The following KL variants were observed in gnomAD, a reference collection of about 807,000 sequenced individuals.
The protein encoded by KL is klotho.
In KL, 62 loss-of-function variants were observed where a neutral mutation model predicts 84.2. The ratio of observed to expected loss-of-function variants is 0.74; its 90% CI spans 0.60 to 0.91. KL has a LOEUF of 0.91. Ranked by LOEUF, KL falls within the 40% of genes least tolerant of loss-of-function variation. The pLI, the probability that KL is intolerant of heterozygous loss-of-function variation, is 0.00. For synonymous variants in KL, 528 were observed against 528.0 expected, an observed-to-expected ratio of 1.00 and a Z score of 0.00; for missense variants, 1,261 against 1,305.7, an observed-to-expected ratio of 0.97 and a Z score of 0.53.
intron 1 of KL, among the ~76,000 whole-genome samples, chr13:33,027,470 C>CAGGTCCT (rs1338496576): frequency 6.6e-6 from 1 of 152,192 alleles, no homozygotes; most frequent in African/African-American, 2.4e-5. Flanking sequence ...GCAAGTCTAT[C>CAGGTCCT]AGGTCCTAGG....
intron 1 of KL, among the ~76,000 whole-genome samples, chr13:33,043,820 G>A (rs1566504200): frequency 6.6e-6 from 1 of 152,118 alleles, no homozygotes; most frequent in Non-Finnish European, 1.5e-5. Context: ...ATTAAAACCT[G>A]CTCATCAAAT....
intron 1 of KL, among the ~76,000 whole-genome samples, chr13:33,041,404 A>G (rs1389395311): frequency 7.1e-6 from 1 of 141,730 alleles, no homozygotes; most frequent in African/African-American, 2.5e-5. Context: ...TACTTTTTAA[A>G]TGGCAAAAAC....
chr13:33,020,086 T>A (rs1870519641), intron 1 of KL, among the ~76,000 whole-genome samples: 1 of 152,132 alleles, frequency 6.6e-6, no homozygotes, highest in Non-Finnish European at 1.5e-5. Flanking sequence ...TCAACTCCCC[T>A]CACCGCCTGA....
chr13:33,056,801 G>A (rs151216898), intron 3 of KL, among the ~76,000 whole-genome samples: 1,630 of 151,860 alleles, frequency 0.011, 82 homozygotes, highest in East Asian at 0.081. Context: ...GCAAGAGTCC[G>A]TCTCTTAAAA....
chr13:33,031,678 A>T (rs1271548490), intron 1 of KL, among the ~76,000 whole-genome samples: 1 of 152,202 alleles, frequency 6.6e-6, no homozygotes. Flanking sequence ...ATCCTAATGA[A>T]TTATTAAATT....
chr13:33,034,710 G>T (rs903150502), intron 1 of KL, among the ~76,000 whole-genome samples: 6 of 152,106 alleles, frequency 3.9e-5, no homozygotes, highest in Non-Finnish European at 7.3e-5. Flanking sequence ...CTCCGTGAGG[G>T]CACGGGTTTT....
Position 33,053,827 on chromosome 13 carries a change from G to A in KL, c.880G>A (p.Val294Met). Reference sequence around the variant, plus strand: ...TTTCCGTCCCACTCAGGGAGGTCAGGTGTCCATTGCCCTAAGCTCTCACTG... The same window carrying A: ...TTTCCGTCCCACTCAGGGAGGTCAGATGTCCATTGCCCTAAGCTCTCACTG... ...TSFRPTQGGQ[V>M]SIALSSHWIN... Residue 294 changes from valine to methionine, a missense_variant, in exon 2 of 5, where the codon GTG becomes ATG. By Grantham distance (21) the Val-to-Met change is conservative. Transcript: ENST00000380099. 6.2e-7 allele frequency: 1 copy of A among 1,614,086 alleles called. No individual in the cohort carries two copies. The highest frequency in any genetic ancestry group is 1.1e-5 in the South Asian group (1 of 91,080).
intron 1 of KL, among the ~76,000 whole-genome samples, chr13:33,024,555 A>T (rs749778917): frequency 6.6e-5 from 10 of 152,174 alleles, no homozygotes; most frequent in Non-Finnish European, 1.3e-4. Flanking sequence ...CAAAGGAGGC[A>T]TATTTGTAGG....
At chr13:33,044,640 CTTTTTTTTTTTTTTT>C (rs71071071) in intron 1 of KL, among the ~76,000 whole-genome samples, 1 of 52,750 alleles carries the variant, frequency 1.9e-5, no homozygotes, top group African/African-American at 8.5e-5. Context: ...AATTGATTTT[CTTTTTTTTTTTTTTT>C]TTTTTTTTTT....
rs912547366 is a variant in KL at position 33,064,371 on chromosome 13, C to A, written c.*185C>A. On this transcript the variant is annotated 3_prime_UTR_variant, in exon 5 of 5. Coordinates refer to ENST00000380099, the MANE Select transcript of KL (RefSeq NM_004795.4). ...GGTGATCGTAAAATATTGAATAATG[C>A]GAATAGTGCCTGAATTTGTTCTCTT... 27 of 539,198 alleles carry A rather than the reference C, an allele frequency of 5.0e-5. No individual in the cohort carries two copies. The highest frequency in any genetic ancestry group is 1.3e-5 in the Non-Finnish European group (4 of 304,632). 33.4% of individuals were successfully genotyped at this position (539,198 alleles called of 1,614,324 possible).
chr13:33,032,977 C>T (rs1037462412), intron 1 of KL, among the ~76,000 whole-genome samples: 1 of 152,082 alleles, frequency 6.6e-6, no homozygotes. Flanking sequence ...CTGGCGTTTT[C>T]ACTTTCAGAC....
intron 1 of KL, among the ~76,000 whole-genome samples, chr13:33,041,516 A>G (rs976603627): frequency 1.6e-4 from 24 of 152,072 alleles, no homozygotes; most frequent in African/African-American, 5.6e-4. Context: ...TAGCATTTAC[A>G]ATTCTAAGTG....
chr13:33,055,189 G>A lies in KL; in HGVS notation c.1473G>A (p.Lys491=). The A allele has an allele frequency of 2.5e-6, 4 of 1,614,224 alleles. No homozygotes were observed. The highest frequency in any genetic ancestry group is 3.4e-6 in the Non-Finnish European group (4 of 1,180,042). The part of the protein sequence containing the change: ...FLSQDKMLLP[K]SSALFYQKLI... Reference sequence around the variant, plus strand: ...GCCAGGACAAGATGTTGTTGCCAAAGTCTTCAGCCTTGTTCTACCAAAAGC... The same window carrying A: ...GCCAGGACAAGATGTTGTTGCCAAAATCTTCAGCCTTGTTCTACCAAAAGC... The change falls in exon 3 of 5, where the codon AAG becomes AAA. Residue 491 remains lysine (K), a synonymous_variant. Coordinates refer to ENST00000380099, the MANE Select transcript of KL (RefSeq NM_004795.4).
intron 1 of KL, among the ~76,000 whole-genome samples, chr13:33,052,912 G>A (rs1375330631): frequency 6.6e-6 from 1 of 152,018 alleles, no homozygotes; most frequent in Non-Finnish European, 1.5e-5. Context: ...TCAAGTAGGG[G>A]AGAAAAAACC....
intron 1 of KL, among the ~76,000 whole-genome samples, chr13:33,052,926 A>G (rs9527022): frequency 0.16 from 23,721 of 152,218 alleles, 1,949 homozygotes; most frequent in African/African-American, 0.18. Flanking sequence ...AAAAACCCCT[A>G]TAATTTTCAC....
intron 1 of KL, among the ~76,000 whole-genome samples, chr13:33,045,934 G>GT (rs1224959763): frequency 9.2e-5 from 14 of 152,086 alleles, no homozygotes; most frequent in African/African-American, 3.4e-4. Context: ...CTCTATTGAT[G>GT]TAATGCATTA....
chr13:33,052,037 G>T (rs1166922145), intron 1 of KL, among the ~76,000 whole-genome samples: 1 of 152,192 alleles, frequency 6.6e-6, no homozygotes, highest in African/African-American at 2.4e-5. Flanking sequence ...GCTCACCGAA[G>T]CCTCCATCTC....
chr13:33,050,608 A>G (rs750024633), intron 1 of KL, among the ~76,000 whole-genome samples: 2 of 152,146 alleles, frequency 1.3e-5, no homozygotes, highest in Non-Finnish European at 2.9e-5. Flanking sequence ...TGGTGTCCAG[A>G]GGAGGGGCAT....
At chr13:33,034,976 A>G (rs1171841593) in intron 1 of KL, among the ~76,000 whole-genome samples, 1 of 152,126 alleles carries the variant, frequency 6.6e-6, no homozygotes, top group Admixed American at 6.5e-5. Flanking sequence ...TTCTATTTTG[A>G]TTTTCAAAAT....
Sources: allele counts gnomAD v4.1 joint callset (sites outside exome capture counted in the v4.1 genomes callset), GRCh38; gene constraint gnomAD v4.1.1; transcripts MANE v1.5; gene names NCBI Gene and HGNC (gene_info 2026-07-23, HGNC 2026-07-21).